The following RALGPS1 variants were observed in gnomAD, a reference collection of about 807,000 sequenced individuals.
The protein encoded by RALGPS1 is Ral GEF with PH domain and SH3 binding motif 1, also known as ras-specific guanine nucleotide-releasing factor RalGPS1.
Under a neutral mutation model 78.8 loss-of-function variants are expected in RALGPS1, and 19 were observed. That is an observed-to-expected ratio of 0.24 (90% CI 0.17 to 0.35). RALGPS1 has a LOEUF of 0.35. Among genes scored for constraint, RALGPS1 ranks in the 10% least tolerant of loss-of-function variants. The pLI, the probability that RALGPS1 is intolerant of heterozygous loss-of-function variation, is 1.00. For missense variants in RALGPS1, 454 were observed against 688.3 expected (o/e 0.66, Z 3.81); for synonymous variants, 228 against 256.3 (o/e 0.89, Z 1.06).
At chr9:127,060,851 A>G (rs1425606896) in intron 7 of RALGPS1, among the ~76,000 whole-genome samples, 3 of 152,232 alleles carry the variant, frequency 2.0e-5, no homozygotes, top group African/African-American at 7.2e-5. Flanking sequence ...GTGCTCAGAT[A>G]CAACCATTCC....
intron 14 of RALGPS1, chr9:127,210,612 A>G (rs2062192869): frequency 5.8e-6 from 6 of 1,027,660 alleles, no homozygotes; most frequent in East Asian, 2.6e-5. Context: ...CTAATTGACT[A>G]TGTTGTCGGG....
At chr9:127,177,058 G>A (rs927360519) in intron 11 of RALGPS1, among the ~76,000 whole-genome samples, 6 of 152,168 alleles carry the variant, frequency 3.9e-5, no homozygotes, top group African/African-American at 7.2e-5. Flanking sequence ...ACCACAACTT[G>A]TCATTATTCT....
At position 127,219,885 on chromosome 9, in the gene RALGPS1, TGCAGTCACCA is replaced by T. The variant is rs770008143; in HGVS notation, c.*1120_*1129del. On this transcript the variant is annotated 3_prime_UTR_variant, in exon 19 of 19. Transcript: ENST00000259351. This position sits in a 1 kb window ranked among gnomAD's most constrained non-coding sequence, Gnocchi z 5.0. ...AAGCTTCCCCAGTCTTGGCCCCAAA[TGCAGTCACCA>T]GCAAGTTTTCCATTTTCCAAGTCCA... The T allele has an allele frequency of 3.9e-5, 6 of 152,626 alleles. No homozygotes were observed. The highest frequency in any genetic ancestry group is 2.0e-4 in the Admixed American group (3 of 15,278). The allele number at this position is 152,626 out of a possible 1,614,324, so 9.5% of individuals were successfully genotyped here. A position where few individuals can be genotyped will look rare whatever the true frequency, so the allele number is the denominator to read the frequency against.
chr9:127,019,406 C>G (rs11794913), intron 4 of RALGPS1, among the ~76,000 whole-genome samples: 73 of 152,100 alleles, frequency 4.8e-4, no homozygotes, highest in Non-Finnish European at 9.4e-4. Context: ...CGGCTCACTG[C>G]AAGCTCTGCT....
At chr9:126,920,212 G>GGTGGCAAATTCTTATTTATAC (rs2034614532) in intron 1 of RALGPS1, among the ~76,000 whole-genome samples, 1 of 152,092 alleles carries the variant, frequency 6.6e-6, no homozygotes, top group Non-Finnish European at 1.5e-5. Flanking sequence ...ACTACTAAGT[G>GGTGGCAAATTCTTATTTATAC]GTGGCAAATT....
At chr9:127,177,783 A>G (rs1317984483) in intron 11 of RALGPS1, 2 of 1,532,464 alleles carry the variant, frequency 1.3e-6, no homozygotes, top group Admixed American at 2.0e-5. Flanking sequence ...TTGACCCCTG[A>G]CTGTCCTGGA....
At chr9:126,922,583 G>A (rs758559486) in intron 1 of RALGPS1, among the ~76,000 whole-genome samples, 11 of 152,200 alleles carry the variant, frequency 7.2e-5, no homozygotes, top group African/African-American at 1.4e-4. Flanking sequence ...AGTCCTCTGT[G>A]CATCTGTTTA....
At position 127,056,402 on chromosome 9, in the gene RALGPS1, C is replaced by T. The variant is rs2048752116; in HGVS notation, c.483+3463C>T. Among the ~76,000 whole-genome samples, 3 of 152,250 alleles carry T rather than the reference C, an allele frequency of 2.0e-5. No individual in the cohort carries two copies. The South Asian group carries it at 6.2e-4, about 32-fold the overall frequency. The stretch of plus-strand genomic sequence containing the variant: ...GTGATACACACTGTGTGGATTACAG[C>T]ATGAGGTCTCCAAGGTCACTTGTGG... On this transcript the variant is annotated intron_variant, in intron 7 of 18. Transcript: ENST00000259351.
chr9:126,941,838 G>A (rs1485967297), intron 1 of RALGPS1, among the ~76,000 whole-genome samples: 1 of 152,190 alleles, frequency 6.6e-6, no homozygotes, highest in Non-Finnish European at 1.5e-5. Context: ...TGTCTTTACT[G>A]TGGTTTTCAA....
intron 5 of RALGPS1, among the ~76,000 whole-genome samples, chr9:127,040,019 A>T (rs1415284796): frequency 6.6e-6 from 1 of 152,190 alleles, no homozygotes; most frequent in East Asian, 1.9e-4. Context: ...TGGAAGAGCA[A>T]ATGGTTAGAC....
chr9:126,977,812 C>T (rs2040817588), intron 4 of RALGPS1, 67 bp downstream of exon 4: 2 of 1,175,238 alleles, frequency 1.7e-6, no homozygotes, highest in Non-Finnish European at 1.2e-6. Flanking sequence ...TAGCCAGCCA[C>T]TGTTAGAGTG....
chr9:127,170,682 T>TAGACAGAAAAATGGCCTATA (rs2059527079), intron 10 of RALGPS1, among the ~76,000 whole-genome samples: 1 of 152,226 alleles, frequency 6.6e-6, no homozygotes, highest in African/African-American at 2.4e-5. Context: ...TAATATGCTT[T>TAGACAGAAAAATGGCCTATA]AGACAGAAAA....
intron 4 of RALGPS1, among the ~76,000 whole-genome samples, chr9:126,996,094 T>G (rs1416745720): frequency 6.6e-6 from 1 of 152,008 alleles, no homozygotes; most frequent in African/African-American, 2.4e-5. Context: ...GATCTAAAAT[T>G]GACACCCTGA....
At chr9:126,954,253 G>A (rs1008628418) in intron 1 of RALGPS1, among the ~76,000 whole-genome samples, 1 of 152,130 alleles carries the variant, frequency 6.6e-6, no homozygotes, top group Non-Finnish European at 1.5e-5. Flanking sequence ...AACTTAGAAG[G>A]CATCCTTGGT....
chr9:127,140,058 T>G (rs1002739818), intron 8 of RALGPS1, among the ~76,000 whole-genome samples: 2 of 152,136 alleles, frequency 1.3e-5, no homozygotes, highest in Non-Finnish European at 2.9e-5. Flanking sequence ...TCAACACTGG[T>G]CAGCTTTTGT....
chr9:127,150,959 G>A (rs1022052179), intron 8 of RALGPS1, among the ~76,000 whole-genome samples: 12 of 152,108 alleles, frequency 7.9e-5, no homozygotes, highest in South Asian at 4.1e-4. Context: ...CGAGGCGGGC[G>A]GATCACGAGC....
intron 11 of RALGPS1, among the ~76,000 whole-genome samples, chr9:127,182,848 A>G (rs778931834): frequency 6.6e-6 from 1 of 152,196 alleles, no homozygotes; most frequent in African/African-American, 2.4e-5. Context: ...CCATTCTTGC[A>G]TCACCATAAA....
At chr9:127,131,886 A>G (rs1022708542) in intron 8 of RALGPS1, among the ~76,000 whole-genome samples, 15 of 152,280 alleles carry the variant, frequency 9.9e-5, no homozygotes, top group African/African-American at 1.9e-4. Context: ...TTGCGCTTCA[A>G]GATCAACTGA....
chr9:126,938,439 A>T (rs979054058), intron 1 of RALGPS1, among the ~76,000 whole-genome samples: 7 of 152,136 alleles, frequency 4.6e-5, no homozygotes, highest in African/African-American at 1.7e-4. Flanking sequence ...CATTGACGTG[A>T]TCTGTCTGGG....
Sources: allele counts gnomAD v4.1 joint callset (sites outside exome capture counted in the v4.1 genomes callset), GRCh38; gene constraint gnomAD v4.1.1; non-coding constraint Gnocchi (gnomAD v3.1); transcripts MANE v1.5; gene names NCBI Gene and HGNC (gene_info 2026-07-23, HGNC 2026-07-21).